Variants in BIRC6 observed in about 807,000 individuals in gnomAD.
BIRC6 encodes the protein baculoviral IAP repeat containing 6, also known as dual E2 ubiquitin-conjugating enzyme/E3 ubiquitin-protein ligase BIRC6.
A neutral mutation model predicts 503.3 loss-of-function variants in BIRC6; 98 were observed. The observed-to-expected ratio is 0.19, with a 90% CI of 0.17 to 0.23. The LOEUF (loss-of-function observed/expected upper bound fraction) is 0.23, where lower values mean the gene tolerates loss of function less well. BIRC6 is among the 10% of genes least tolerant of loss of function. The probability of loss-of-function intolerance (pLI) is 1.00; values close to 1 mark genes in which losing one functional copy is unlikely to be tolerated. For synonymous variants in BIRC6, 2,240 were observed against 2,078.7 expected (o/e 1.08, Z -2.11); for missense variants, 5,360 against 5,806.0 (o/e 0.92, Z 2.50).
chr2:32,531,067 T>A (rs1350474263), intron 60 of BIRC6, among the ~76,000 whole-genome samples: 1 of 152,194 alleles, frequency 6.6e-6, no homozygotes, highest in African/African-American at 2.4e-5. Flanking sequence ...ATGACCAGCA[T>A]CATACTGTTA....
chr2:32,589,296 A>G (rs911679644), intron 66 of BIRC6, among the ~76,000 whole-genome samples: 1 of 152,160 alleles, frequency 6.6e-6, no homozygotes, highest in Admixed American at 6.5e-5. Context: ...AGCTATCTCA[A>G]AGTTTCTTCC....
chr2:32,422,905 G>T (rs967623087), intron 10 of BIRC6, among the ~76,000 whole-genome samples: 2 of 152,076 alleles, frequency 1.3e-5, no homozygotes, highest in African/African-American at 4.8e-5. Context: ...AACGTCTTGT[G>T]TAAGTTCCTT....
At chr2:32,562,377 A>C (rs1287928334) in intron 65 of BIRC6, among the ~76,000 whole-genome samples, 1 of 152,172 alleles carries the variant, frequency 6.6e-6, no homozygotes, top group Non-Finnish European at 1.5e-5. Context: ...TGCAGTTCCT[A>C]CTCACAGTTT....
At chr2:32,480,410 AT>A (rs1286944723) in intron 37 of BIRC6, among the ~76,000 whole-genome samples, 1 of 152,032 alleles carries the variant, frequency 6.6e-6, no homozygotes, top group Non-Finnish European at 1.5e-5. Flanking sequence ...GGAGAGTTTT[AT>A]TAATCTTCAT....
rs558926432 is a variant in BIRC6, at chr2:32,369,845, G to T, written c.326-7743G>T. 1.0e-4 allele frequency among the ~76,000 whole-genome samples: 15 copies of T among 147,666 alleles called. No homozygotes were observed. The South Asian group carries it at 3.0e-3, about 30-fold the overall frequency. On this transcript the variant is annotated intron_variant, in intron 1 of 73. Coordinates refer to ENST00000421745, the MANE Select transcript of BIRC6 (RefSeq NM_016252.4). ...AGGTTGCACACCTGTAGTCCTAGCT[G>T]CTTGGGAGACTGAGGTGAGAAGATT...
chr2:32,478,416 C>A (rs1016793788), intron 35 of BIRC6, among the ~76,000 whole-genome samples: 21 of 152,018 alleles, frequency 1.4e-4, no homozygotes, highest in Admixed American at 3.9e-4. Context: ...AAATTTAATT[C>A]TTAACTATAC....
At chr2:32,612,376 C>G (rs1026833937) in intron 73 of BIRC6, among the ~76,000 whole-genome samples, 1 of 152,052 alleles carries the variant, frequency 6.6e-6, no homozygotes, top group Non-Finnish European at 1.5e-5. Context: ...GATTTTCTGT[C>G]TACCCACGGA....
At position 32,436,333 on chromosome 2, in the gene BIRC6, C is replaced by G. The variant is rs140265401; in HGVS notation, c.3631+149C>G. The G allele has an allele frequency of 6.4e-3, 4,320 of 672,916 alleles. 32 individuals are homozygous for G. Among genetic ancestry groups the G allele is most frequent in the Middle Eastern group, 0.01 (22 of 2,194 alleles). 41.7% of individuals were successfully genotyped at this position (672,916 alleles called of 1,614,324 possible). A position where few individuals can be genotyped will look rare whatever the true frequency, so the allele number is the denominator to read the frequency against. ...GTTTTCTGGTAGCTGAGGTCATTTC[C>G]TGTCATAAAGTAACTAACTGTATGG... On this transcript the variant is annotated intron_variant, in intron 15 of 73. Transcript: ENST00000421745.
intron 63 of BIRC6, among the ~76,000 whole-genome samples, chr2:32,547,515 T>C (rs953872623): frequency 5.9e-5 from 9 of 152,232 alleles, no homozygotes; most frequent in African/African-American, 1.9e-4. Flanking sequence ...TCTAGGTTTA[T>C]TCGTGTAGCG....
intron 45 of BIRC6, among the ~76,000 whole-genome samples, chr2:32,496,576 A>G (rs551355100): frequency 2.6e-5 from 4 of 152,248 alleles, no homozygotes; most frequent in South Asian, 4.2e-4. Context: ...TCTGTTTTTT[A>G]TGCATTACCT....
chr2:32,581,872 A>G (rs777481844), intron 66 of BIRC6, among the ~76,000 whole-genome samples: 14 of 152,092 alleles, frequency 9.2e-5, no homozygotes, highest in Non-Finnish European at 1.8e-4. Flanking sequence ...TTATGTATTT[A>G]TTTATTTTGA....
intron 22 of BIRC6, among the ~76,000 whole-genome samples, chr2:32,451,150 G>A (rs1178690879): frequency 2.0e-5 from 3 of 152,198 alleles, no homozygotes; most frequent in Admixed American, 1.3e-4. Flanking sequence ...ATTGCATTGA[G>A]TATGATCTTT....
In BIRC6 at chr2:32,413,656, C is replaced by T. The variant is rs544354095; in HGVS notation, c.1478-1113C>T. Among the ~76,000 whole-genome samples the T allele has an allele frequency of 6.1e-5, 9 of 148,618 alleles. No homozygotes were observed. The South Asian group carries it at 1.1e-3, about 17-fold the overall frequency. On this transcript the variant is annotated intron_variant, in intron 9 of 73. Coordinates refer to ENST00000421745, the MANE Select transcript of BIRC6 (RefSeq NM_016252.4). ...ATTTTGAGTCCCTTGAATACCTTTACGGTTTTTCTGAGTAAGCTCATCTTA... is the reference window on the plus strand; with the variant it reads ...ATTTTGAGTCCCTTGAATACCTTTATGGTTTTTCTGAGTAAGCTCATCTTA...
chr2:32,468,674 T>G lies in BIRC6; in HGVS notation c.6018T>G (p.Ser2006Arg). ...TAGGTGCAAGCCGGAAGATGTTGAG[T>G]GAAACATCAAATCCAGAAGATTTAA... is the stretch of plus-strand genomic sequence containing the variant. ...VALGASRKML[S>R]ETSNPEDLIQ... Residue 2006 changes from serine (S) to arginine (R), a missense_variant, in exon 29 of 74, where the codon AGT (serine) becomes AGG (arginine). Ser to Arg is a moderately radical substitution (Grantham distance 110). This residue lies in a region of BIRC6 where 2,299 missense variants were observed against 2,267.2 expected (regional missense o/e 1.01). Coordinates refer to ENST00000421745, the MANE Select transcript of BIRC6 (RefSeq NM_016252.4). The G allele has an allele frequency of 6.2e-7, 1 of 1,613,888 alleles. No individual in the cohort carries two copies. The highest frequency in any genetic ancestry group is 8.5e-7 in the Non-Finnish European group (1 of 1,179,812).
At chr2:32,591,971 T>C (rs993433759) in intron 66 of BIRC6, among the ~76,000 whole-genome samples, 1 of 152,226 alleles carries the variant, frequency 6.6e-6, no homozygotes, top group African/African-American at 2.4e-5. Context: ...CTGTTTGAGT[T>C]ACTCTACCAG....
At chr2:32,386,097 T>C (rs908951669) in intron 3 of BIRC6, among the ~76,000 whole-genome samples, 4 of 152,230 alleles carry the variant, frequency 2.6e-5, no homozygotes, top group African/African-American at 9.6e-5. Context: ...GACCATTATG[T>C]TGATCTGCAG....
At position 32,522,400 on chromosome 2, in the gene BIRC6, C is replaced by A. The variant is rs181599188; in HGVS notation, c.11624-2488C>A. The A allele has an allele frequency of 1.8e-4, 28 of 151,930 alleles. No individual in the cohort carries two copies. The East Asian group carries it at 4.1e-3, about 22-fold the overall frequency. The allele number at this position is 151,930 out of a possible 1,614,324, so 9.4% of individuals were successfully genotyped here. ...AAACAGTTTGTTGCTTTTAGACTTGCTTTTAATCTTTGTAAGTAGGATCAG... is the reference window on the plus strand; with the variant it reads ...AAACAGTTTGTTGCTTTTAGACTTGATTTTAATCTTTGTAAGTAGGATCAG... On this transcript the variant is annotated intron_variant, in intron 57 of 73. Coordinates refer to ENST00000421745, the MANE Select transcript of BIRC6 (RefSeq NM_016252.4).
intron 65 of BIRC6, among the ~76,000 whole-genome samples, chr2:32,553,490 C>T (rs1193253851): frequency 6.6e-6 from 1 of 151,908 alleles, no homozygotes; most frequent in African/African-American, 2.4e-5. Flanking sequence ...CGGGTTCAAG[C>T]AGTTCTCATG....
At position 32,529,945 on chromosome 2, in the gene BIRC6, AT is replaced by A. The variant is rs2056593204; in HGVS notation, c.12094+122del. 6.6e-6 allele frequency: 4 copies of A among 609,262 alleles called. No individual in the cohort carries two copies. The Admixed American group carries it at 1.3e-4, about 19-fold the overall frequency. 37.7% of individuals were successfully genotyped at this position (609,262 alleles called of 1,614,324 possible). ...TATCAACATAAGATATAATTTTTTT[AT>A]GACTGAATTTTTGTAAATATAAAAA... is the stretch of plus-strand genomic sequence containing the variant. On this transcript the variant is annotated intron_variant, in intron 60 of 73. Coordinates refer to ENST00000421745, the MANE Select transcript of BIRC6 (RefSeq NM_016252.4).
Sources: gnomAD v4.1 joint callset for allele counts (sites outside exome capture counted in the v4.1 genomes callset) on GRCh38, gnomAD v4.1.1 for gene constraint, gnomAD v4.1.1 regional missense constraint, MANE v1.5 for transcripts, NCBI Gene and HGNC (gene_info 2026-07-23, HGNC 2026-07-21) for gene names.